The following KIF23 variants were observed in gnomAD, a reference collection of about 807,000 sequenced individuals.
The protein encoded by KIF23 is kinesin-like protein KIF23.
A neutral mutation model predicts 137.5 loss-of-function variants in KIF23; 30 were observed. The ratio of observed to expected loss-of-function variants is 0.22; its 90% CI spans 0.16 to 0.30. The LOEUF (loss-of-function observed/expected upper bound fraction) is 0.30. KIF23 is among the 10% of genes least tolerant of loss of function. The probability of loss-of-function intolerance (pLI) is 1.00; values close to 1 mark genes in which losing one functional copy is unlikely to be tolerated. For missense variants in KIF23, 920 were observed against 1,194.3 expected (o/e 0.77, Z 3.38); for synonymous variants, 367 against 391.1 (o/e 0.94, Z 0.73).
chr15:69,420,214 A>G (rs1471263128), intron 3 of KIF23, among the ~76,000 whole-genome samples: 2 of 152,102 alleles, frequency 1.3e-5, no homozygotes, highest in African/African-American at 4.8e-5. Flanking sequence ...CAGTGAGCCG[A>G]GATCCTACCA....
chr15:69,435,146 T>G, intron 11 of KIF23: 1 of 457,532 alleles, frequency 2.2e-6, no homozygotes, highest in Non-Finnish European at 3.9e-6. Context: ...GAATATATTT[T>G]AATATGAGGA....
rs574190725 is a variant in KIF23, at chr15:69,431,904, C to T, written c.1114+2691C>T. 4.6e-5 allele frequency among the ~76,000 whole-genome samples: 7 copies of T among 152,322 alleles called. No homozygotes were observed. In the South Asian group the frequency reaches 1.2e-3, roughly 27 times the overall value. ...GTGGTGAGAAATGGGGCCTTTAGAGCTGCCTCTACCCTGGCCCAAAGGACT... is the reference window on the plus strand; with the variant it reads ...GTGGTGAGAAATGGGGCCTTTAGAGTTGCCTCTACCCTGGCCCAAAGGACT... On this transcript the variant is annotated intron_variant, in intron 11 of 23. Coordinates refer to ENST00000679126, the MANE Select transcript of KIF23 (RefSeq NM_001367805.3).
At chr15:69,422,571 A>C (rs2057084775) in intron 6 of KIF23, 136 bp downstream of exon 6, 3 of 619,358 alleles carry the variant, frequency 4.8e-6, no homozygotes, top group Non-Finnish European at 8.5e-6. Flanking sequence ...GAATGTTCTT[A>C]AGTTCTTTGC....
In KIF23 at chr15:69,440,171, A is replaced by T. The variant is rs114575169; in HGVS notation, c.1929+94A>T. 659 of 1,508,738 alleles carry T rather than the reference A, an allele frequency of 4.4e-4. 2 individuals carry two copies. In the African/African-American group the frequency reaches 8.4e-3, roughly 19 times the overall value. The allele number at this position is 1,508,738 out of a possible 1,614,324, so 93.5% of individuals were successfully genotyped here. A position where few individuals can be genotyped will look rare whatever the true frequency, so the allele number is the denominator to read the frequency against. On this transcript the variant is annotated intron_variant, in intron 17 of 23. Coordinates refer to ENST00000679126, the MANE Select transcript of KIF23 (RefSeq NM_001367805.3). ...TATTTTGAATTATTGTATTTGCGGT[A>T]GGGTTTTGGTGGTGGTTGTTAACTC...
intron 17 of KIF23, 77 bp downstream of exon 17, chr15:69,440,154 A>G: frequency 6.5e-7 from 1 of 1,530,690 alleles, no homozygotes; most frequent in Non-Finnish European, 8.9e-7. Flanking sequence ...GATATTTTGA[A>G]TTATTGTATT....
At chr15:69,414,660 TG>T in intron 1 of KIF23, 184 bp downstream of exon 1, 1 of 601,614 alleles carries the variant, frequency 1.7e-6, no homozygotes, top group Non-Finnish European at 2.5e-6. Flanking sequence ...CGCGGGAGCC[TG>T]GGCGCGGAGA....
At chr15:69,419,896 G>A (rs1352803358) in intron 3 of KIF23, among the ~76,000 whole-genome samples, 5 of 152,072 alleles carry the variant, frequency 3.3e-5, no homozygotes, top group East Asian at 1.9e-4. Flanking sequence ...AGTAGGTATC[G>A]AGTAGGTATA....
At chr15:69,423,756 C>T (rs2057121141) in intron 7 of KIF23, among the ~76,000 whole-genome samples, 1 of 152,136 alleles carries the variant, frequency 6.6e-6, no homozygotes. Context: ...ACAAGTAATA[C>T]TTACATATCT....
chr15:69,414,557 G>T (rs2056839485), intron 1 of KIF23, 81 bp downstream of exon 1: 2 of 1,377,090 alleles, frequency 1.5e-6, no homozygotes, highest in South Asian at 3.1e-5. Context: ...TCTCCACTCA[G>T]GCCGCGGCCG....
At chr15:69,425,640 C>A (rs1203360822) in intron 8 of KIF23, among the ~76,000 whole-genome samples, 1 of 152,176 alleles carries the variant, frequency 6.6e-6, no homozygotes, top group Admixed American at 6.5e-5. Flanking sequence ...CAAACTCTTT[C>A]TGAATTTGTT....
At position 69,440,775 on chromosome 15, in the gene KIF23, G is replaced by A. The variant is rs201710918; in HGVS notation, c.2117G>A (p.Ser706Asn). 3 of 1,589,962 alleles carry A rather than the reference G, an allele frequency of 1.9e-6. No individual in the cohort carries two copies. The highest frequency in any genetic ancestry group is 2.2e-5 in the East Asian group (1 of 44,634). The stretch of plus-strand genomic sequence containing the variant: ...TTTCTCCAATTTTTCTAGCTTTCTA[G>A]TAACTATATTGCTCAGATTTCCAAC... ...SVSPSPVPLS[S>N]NYIAQISNGQ... Residue 706 changes from serine to asparagine, a missense_variant, in exon 19 of 24, where the codon AGT becomes AAT. Ser to Asn is a conservative substitution (Grantham distance 46). Coordinates refer to ENST00000679126, the MANE Select transcript of KIF23 (RefSeq NM_001367805.3).
intron 3 of KIF23, 132 bp downstream of exon 3, chr15:69,417,643 C>G (rs2056952204): frequency 4.1e-6 from 4 of 973,368 alleles, no homozygotes; most frequent in Non-Finnish European, 6.0e-6. Flanking sequence ...ATTATAACCA[C>G]TGTATCTAAA....
intron 20 of KIF23, among the ~76,000 whole-genome samples, chr15:69,445,645 G>A (rs2057725110): frequency 6.6e-6 from 1 of 151,936 alleles, no homozygotes; most frequent in Non-Finnish European, 1.5e-5. Context: ...ATTTGAATAT[G>A]GGCAACAGGG....
At chr15:69,434,546 G>T in intron 11 of KIF23, 1 of 925,742 alleles carries the variant, frequency 1.1e-6, no homozygotes, top group Non-Finnish European at 1.7e-6. Context: ...TTCTTTAACT[G>T]GTTCAACTCC....
Position 69,447,844 on chromosome 15 carries a change from G to C in KIF23, c.*37G>C. On this transcript the variant is annotated 3_prime_UTR_variant, in exon 24 of 24. Coordinates refer to ENST00000679126, the MANE Select transcript of KIF23 (RefSeq NM_001367805.3). ...CAGTACTGAAAGAACATTTTCATTT[G>C]TGTGGATGATTTCTCGAAAGCCATG... 6.3e-7 allele frequency: 1 copy of C among 1,595,262 alleles called. No homozygotes were observed. The highest frequency in any genetic ancestry group is 8.6e-7 in the Non-Finnish European group (1 of 1,165,992).
At chr15:69,414,732 C>T (rs2056849282) in intron 1 of KIF23, 2 of 389,724 alleles carry the variant, frequency 5.1e-6, no homozygotes, top group Admixed American at 9.1e-5. Context: ...GAAGGGTCGG[C>T]CCGGAGCCGG....
intron 18 of KIF23, 121 bp downstream of exon 18, chr15:69,440,608 A>G (rs2057592354): frequency 8.5e-7 from 1 of 1,173,238 alleles, no homozygotes; most frequent in East Asian, 2.6e-5. Flanking sequence ...TTCTCTAAAA[A>G]TATTTTAAAA....
rs760870759 is a variant in KIF23 at position 69,440,980 on chromosome 15, C to T, written c.2322C>T (p.Ile774=). Residue 774 remains isoleucine (I), a synonymous_variant, in exon 19 of 24, where the codon ATC becomes ATT. Coordinates refer to ENST00000679126, the MANE Select transcript of KIF23 (RefSeq NM_001367805.3). ...QQEPGQSKTC[I]VSDRRRGMYW... ...AGCCAGGACAAAGCAAAACTTGTAT[C>T]GTGTCAGACAGAAGGCGAGGGATGT... 2.5e-5 allele frequency: 40 copies of T among 1,614,062 alleles called. No individual in the cohort carries two copies. In the South Asian group the frequency reaches 3.3e-4, roughly 13 times the overall value.
chr15:69,433,428 G>A (rs894745392), intron 11 of KIF23, among the ~76,000 whole-genome samples: 2 of 152,204 alleles, frequency 1.3e-5, no homozygotes, highest in Admixed American at 1.3e-4. Context: ...GAAGTAACAA[G>A]TATGCCACCT....
Sources: allele counts gnomAD v4.1 joint callset (sites outside exome capture counted in the v4.1 genomes callset), GRCh38; gene constraint gnomAD v4.1.1; transcripts MANE v1.5; gene names NCBI Gene and HGNC (gene_info 2026-07-23, HGNC 2026-07-21).